The following ATP5MC2 variants were observed in gnomAD, a reference collection of about 807,000 sequenced individuals.
ATP5MC2 encodes the protein ATP synthase F(0) complex subunit C2, mitochondrial.
A neutral mutation model predicts 13.5 loss-of-function variants in ATP5MC2; 11 were observed. That is an observed-to-expected ratio of 0.81 (90% CI 0.51 to 1.35). The LOEUF (loss-of-function observed/expected upper bound fraction) is 1.35, where lower values mean the gene tolerates loss of function less well. ATP5MC2 is among the 40% of genes most tolerant of loss of function. ATP5MC2 has a pLI of 0.00. For synonymous variants in ATP5MC2, 64 were observed against 69.7 expected (o/e 0.92, Z 0.41); for missense variants, 132 against 175.0 (o/e 0.75, Z 1.39).
chr12:53,676,022 G>C (rs1945255930), intron 1 of ATP5MC2, 31 bp downstream of exon 1: 1 of 1,606,912 alleles, frequency 6.2e-7, no homozygotes, highest in Non-Finnish European at 8.5e-7. Flanking sequence ...CGTGCGCAGC[G>C]CACAGAGGGC....
At position 53,666,181 on chromosome 12, in the gene ATP5MC2, C is replaced by T. The variant is rs554872272; in HGVS notation, c.312-753G>A. ...AAATTAGGCCAGGCGCGGTGGCTCACGCCTGTAATCCCAGCACTTTGGGAG... is the reference window on the plus strand; with the variant it reads ...AAATTAGGCCAGGCGCGGTGGCTCATGCCTGTAATCCCAGCACTTTGGGAG... On this transcript the variant is annotated intron_variant, in intron 4 of 4. Transcript: ENST00000394349. 2.0e-5 allele frequency among the ~76,000 whole-genome samples: 3 copies of T among 152,042 alleles called. No homozygotes were observed. In the South Asian group the frequency reaches 6.2e-4, roughly 32 times the overall value.
chr12:53,679,743 GA>G (rs1217363399), upstream of ATP5MC2, among the ~76,000 whole-genome samples: 2 of 152,162 alleles, frequency 1.3e-5, no homozygotes, highest in Non-Finnish European at 2.9e-5. Flanking sequence ...GGGCTGGTGG[GA>G]ACTGACTGAT....
At chr12:53,670,154 C>T (rs1408955595) in intron 2 of ATP5MC2, 1 of 608,494 alleles carries the variant, frequency 1.6e-6, no homozygotes, top group East Asian at 3.5e-5. Context: ...GCTTCTCAGA[C>T]TTTGCTTTAA....
At chr12:53,666,724 CACTCCAGCCTGGGTG>C (rs1425388648) in intron 4 of ATP5MC2, among the ~76,000 whole-genome samples, 9 of 151,142 alleles carry the variant, frequency 6.0e-5, no homozygotes, top group Non-Finnish European at 1.2e-4. Flanking sequence ...TACACAGTTG[CACTCCAGCCTGGGTG>C]ACAGAGTCAG....
chr12:53,670,051 C>T (rs1391370388), intron 2 of ATP5MC2, 103 bp from the exon 3 acceptor site: 1 of 1,042,736 alleles, frequency 9.6e-7, no homozygotes, highest in South Asian at 1.3e-5. Flanking sequence ...TTTCTTTCCT[C>T]TCATGGCCTT....
rs1239898096 is a variant in ATP5MC2 at position 53,665,422 on chromosome 12, A to G, written c.318T>C (p.Pro106=). 6.2e-7 allele frequency: 1 copy of G among 1,613,272 alleles called. No homozygotes were observed. The highest frequency in any genetic ancestry group is 1.1e-5 in the South Asian group (1 of 91,070). Reference sequence around the variant, plus strand: ...AGGAGAAGAGCTGTTGCTTCAGAGAAGGGTTCCTGGTAGAAGGAGAAGAGA... The same window carrying G: ...AGGAGAAGAGCTGTTGCTTCAGAGAGGGGTTCCTGGTAGAAGGAGAAGAGA... The part of the protein sequence containing the change: ...GSLIIGYARN[P]SLKQQLFSYA... Residue 106 remains proline, a synonymous_variant, in exon 5 of 5, where the codon CCT becomes CCC. Coordinates refer to ENST00000394349, the MANE Select transcript of ATP5MC2 (RefSeq NM_005176.7).
chr12:53,677,291 GGAGGA>G (rs1945301388), upstream of ATP5MC2: 1 of 152,224 alleles, frequency 6.6e-6, no homozygotes, highest in African/African-American at 2.4e-5. Context: ...TTACGGTCCC[GGAGGA>G]GAGGCGAGCC....
rs758757719 is a variant in ATP5MC2 at position 53,669,332 on chromosome 12, T to C, written c.127A>G (p.Ser43Gly). ...GTAAGGGGACATGAGACTGCCAAGC[T>C]GCTGAGGCTCTGTGAAAAAGAGGCA... is the stretch of plus-strand genomic sequence containing the variant. ...PEILTDESLS[S>G]LAVSCPLTSL... The change falls in exon 4 of 5, where the codon AGC (serine) becomes GGC (glycine). Residue 43 changes from serine to glycine, a missense_variant. Transcript: ENST00000394349. 1.3e-5 allele frequency: 21 copies of C among 1,613,126 alleles called. No individual in the cohort carries two copies. The Admixed American group carries it at 3.2e-4, about 24-fold the overall frequency.
At chr12:53,676,335 T>G, upstream of ATP5MC2, 3 of 1,285,110 alleles carry the variant, frequency 2.3e-6, no homozygotes, top group Non-Finnish European at 3.2e-6. Flanking sequence ...GACTGCGGTT[T>G]GGTCTGTACC....
upstream of ATP5MC2, among the ~76,000 whole-genome samples, chr12:53,678,227 G>T (rs1299579704): frequency 2.0e-5 from 3 of 152,166 alleles, no homozygotes; most frequent in Admixed American, 2.0e-4. Context: ...AAATTGAGAA[G>T]AATAATAGTA....
rs560465881 is a variant in ATP5MC2 at position 53,672,192 on chromosome 12, C to G, written c.39+384G>C. Reference sequence around the variant, plus strand: ...TTACGCAATCATAGCAGAGGGCCTTCCCTCCCCAAGAATCTTTCTTACTTA... The same window carrying G: ...TTACGCAATCATAGCAGAGGGCCTTGCCTCCCCAAGAATCTTTCTTACTTA... On this transcript the variant is annotated intron_variant, in intron 2 of 4. Coordinates refer to ENST00000394349, the MANE Select transcript of ATP5MC2 (RefSeq NM_005176.7). Among the ~76,000 whole-genome samples the G allele has an allele frequency of 2.0e-5, 3 of 151,780 alleles. No homozygotes were observed. In the East Asian group the frequency reaches 5.8e-4, roughly 29 times the overall value.
At chr12:53,670,608 G>GTTTC (rs553014957) in intron 2 of ATP5MC2, among the ~76,000 whole-genome samples, 2 of 151,852 alleles carry the variant, frequency 1.3e-5, no homozygotes, top group East Asian at 3.9e-4. Flanking sequence ...TCGAAGTATG[G>GTTTC]TTTCTTTCTT....
intron 2 of ATP5MC2, among the ~76,000 whole-genome samples, chr12:53,670,717 G>A (rs1179360859): frequency 6.6e-6 from 1 of 151,560 alleles, no homozygotes; most frequent in Non-Finnish European, 1.5e-5. Context: ...CCACCTCCCA[G>A]GTTCAAGCAA....
In ATP5MC2 at chr12:53,672,565, C is replaced by T; in HGVS notation, c.39+11G>A. 6.4e-7 allele frequency: 1 copy of T among 1,567,314 alleles called. No individual in the cohort carries two copies. The highest frequency in any genetic ancestry group is 8.7e-7 in the Non-Finnish European group (1 of 1,154,294). On this transcript the variant is annotated intron_variant, in intron 2 of 4. Transcript: ENST00000394349. ...CTCCTTTAAAACTCTCCCAGAAAAG[C>T]AGGTACTCACCAAGGAGGGAGTGGA... is the stretch of plus-strand genomic sequence containing the variant.
upstream of ATP5MC2, among the ~76,000 whole-genome samples, chr12:53,680,148 G>T (rs930273331): frequency 6.6e-6 from 1 of 152,028 alleles, no homozygotes; most frequent in African/African-American, 2.4e-5. Context: ...ACCATGCCCG[G>T]CTAATTTTTG....
chr12:53,678,430 G>A (rs1181245630), upstream of ATP5MC2, among the ~76,000 whole-genome samples: 2 of 152,002 alleles, frequency 1.3e-5, no homozygotes, highest in African/African-American at 4.8e-5. Context: ...ACTCAATTCT[G>A]CACTGCTACC....
At chr12:53,669,827 C>A in intron 3 of ATP5MC2, 44 bp downstream of exon 3, 1 of 1,598,398 alleles carries the variant, frequency 6.3e-7, no homozygotes, top group Non-Finnish European at 8.6e-7. Flanking sequence ...ACCCTCCCCA[C>A]CCATCACCCC....
At chr12:53,668,295 G>GT (rs1371377371) in intron 4 of ATP5MC2, among the ~76,000 whole-genome samples, 3 of 148,738 alleles carry the variant, frequency 2.0e-5, no homozygotes, top group African/African-American at 7.4e-5. Context: ...GCCTATATTT[G>GT]TTTTTTTCTT....
intron 2 of ATP5MC2, 42 bp from the exon 3 acceptor site, chr12:53,669,990 C>T (rs1490105812): frequency 1.3e-6 from 2 of 1,592,516 alleles, no homozygotes; most frequent in Non-Finnish European, 1.7e-6. Flanking sequence ...TCAAGGAAGA[C>T]TGGAGAGGAG....
Sources: allele counts gnomAD v4.1 joint callset (sites outside exome capture counted in the v4.1 genomes callset), GRCh38; gene constraint gnomAD v4.1.1; transcripts MANE v1.5; gene names NCBI Gene and HGNC (gene_info 2026-07-23, HGNC 2026-07-21).